The following ANKHD1 variants were observed in gnomAD, a reference collection of about 807,000 sequenced individuals.
ANKHD1 encodes the protein ankyrin repeat and KH domain containing 1.
In ANKHD1, 31 loss-of-function variants were observed where a neutral mutation model predicts 230.5. The ratio of observed to expected loss-of-function variants is 0.13; its 90% CI spans 0.10 to 0.18. ANKHD1 has a LOEUF of 0.18. Among genes scored for constraint, ANKHD1 ranks in the 10% least tolerant of loss-of-function variants. ANKHD1 has a pLI of 1.00. For synonymous variants in ANKHD1, 1,074 were observed against 1,117.6 expected, an observed-to-expected ratio of 0.96 and a Z score of 0.78; for missense variants, 2,256 against 3,071.3, an observed-to-expected ratio of 0.73 and a Z score of 6.27.
At chr5:140,496,464 T>TC in intron 14 of ANKHD1, 56 bp from the exon 15 acceptor site, 6 of 852,194 alleles carry the variant, frequency 7.0e-6, no homozygotes, top group Admixed American at 5.2e-5. Flanking sequence ...TTCTTTTCTT[T>TC]TTTTTTTTTT....
chr5:140,430,724 T>C (rs543481261), intron 1 of ANKHD1, among the ~76,000 whole-genome samples: 1 of 150,342 alleles, frequency 6.7e-6, no homozygotes, highest in East Asian at 2.0e-4. Context: ...AATGGCATGA[T>C]CATGGCATAT....
At chr5:140,430,119 T>C (rs975305985) in intron 1 of ANKHD1, among the ~76,000 whole-genome samples, 2 of 152,210 alleles carry the variant, frequency 1.3e-5, no homozygotes, top group African/African-American at 4.8e-5. Flanking sequence ...CCTTGTTTTT[T>C]GTTTTTTGTT....
chr5:140,413,531 C>T (rs911698672), intron 1 of ANKHD1, among the ~76,000 whole-genome samples: 27 of 152,122 alleles, frequency 1.8e-4, no homozygotes, highest in Non-Finnish European at 1.3e-4. Flanking sequence ...CTAGCAACTA[C>T]CATTCTACGT....
intron 8 of ANKHD1, 135 bp downstream of exon 8, chr5:140,458,997 CATATATATATATATATATATATAT>C (rs529452262): frequency 2.2e-4 from 7 of 31,778 alleles, no homozygotes; most frequent in Admixed American, 5.3e-4. Context: ...TATATATATG[CATATATATATATATATATATATAT>C]ATATATATTG....
intron 7 of ANKHD1, among the ~76,000 whole-genome samples, chr5:140,452,949 CAAAG>C (rs1356054614): frequency 3.9e-5 from 6 of 152,102 alleles, no homozygotes; most frequent in South Asian, 2.1e-4. Flanking sequence ...GAACCCAACA[CAAAG>C]AAGCTAAAAA....
chr5:140,427,376 C>A (rs1415400883), intron 1 of ANKHD1, among the ~76,000 whole-genome samples: 1 of 65,352 alleles, frequency 1.5e-5, no homozygotes, highest in Non-Finnish European at 3.0e-5. Flanking sequence ...GGGGGGCTGA[C>A]CCCCCCCCAC....
chr5:140,405,137 T>A (rs1235961299), intron 1 of ANKHD1, among the ~76,000 whole-genome samples: 8 of 152,170 alleles, frequency 5.3e-5, no homozygotes. Flanking sequence ...ACCCACTTAG[T>A]GGTGCCTAAT....
chr5:140,426,373 C>T (rs2126884454), intron 1 of ANKHD1, among the ~76,000 whole-genome samples: 1 of 152,294 alleles, frequency 6.6e-6, no homozygotes, highest in African/African-American at 2.4e-5. Flanking sequence ...AGGTGATCTG[C>T]CTGCCTCAGC....
At chr5:140,410,400 T>C (rs2126845889) in intron 1 of ANKHD1, among the ~76,000 whole-genome samples, 2 of 152,320 alleles carry the variant, frequency 1.3e-5, no homozygotes, top group Admixed American at 1.3e-4. Flanking sequence ...GCTGATTGAC[T>C]AGATGAATTC....
At chr5:140,484,918 T>C (rs1269194594) in intron 11 of ANKHD1, 2 of 761,378 alleles carry the variant, frequency 2.6e-6, no homozygotes, top group Non-Finnish European at 3.6e-6. Context: ...TTTTGGTATG[T>C]GGATAATGTT....
chr5:140,425,440 G>T (rs1355378828), intron 1 of ANKHD1, among the ~76,000 whole-genome samples: 1 of 151,912 alleles, frequency 6.6e-6, no homozygotes, highest in Non-Finnish European at 1.5e-5. Context: ...TTTGTTTTTT[G>T]TAGAGACAGG....
At chr5:140,529,817 G>A (rs1561836644) in intron 29 of ANKHD1, 21 bp downstream of exon 29, 10 of 1,608,542 alleles carry the variant, frequency 6.2e-6, no homozygotes, top group South Asian at 2.2e-5. Flanking sequence ...AACTATTGCT[G>A]CAGTTGAGTT....
At chr5:140,531,973 C>G (rs749606358) in intron 29 of ANKHD1, among the ~76,000 whole-genome samples, 2 of 151,944 alleles carry the variant, frequency 1.3e-5, no homozygotes, top group Non-Finnish European at 2.9e-5. Flanking sequence ...CTTTGGGAGG[C>G]CGAGGTGGTT....
Position 140,470,815 on chromosome 5 carries a change from C to T in ANKHD1, c.1782+6039C>T, listed in dbSNP as rs780928932. ...TTTTTATTTTTATTTTTTGTAGAGA[C>T]GGGGTTTCATCATGTTGCCCAGGCT... On this transcript the variant is annotated intron_variant, in intron 10 of 33. Transcript: ENST00000360839. 1.7e-4 allele frequency among the ~76,000 whole-genome samples: 26 copies of T among 151,678 alleles called. 1 individual carries two copies. Among genetic ancestry groups the T allele is most frequent in the Admixed American group, 1.4e-3 (22 of 15,192 alleles).
chr5:140,520,706 A>G (rs1419055290), intron 24 of ANKHD1, among the ~76,000 whole-genome samples: 12 of 147,508 alleles, frequency 8.1e-5, no homozygotes, highest in African/African-American at 3.0e-4. Context: ...GCATATTCTC[A>G]CTCATAGGTG....
chr5:140,455,328 A>G (rs566214283), intron 7 of ANKHD1, among the ~76,000 whole-genome samples: 28 of 152,340 alleles, frequency 1.8e-4, no homozygotes, highest in Admixed American at 1.7e-3. Flanking sequence ...TATTCCAATC[A>G]ATAGAAAAAG....
intron 1 of ANKHD1, among the ~76,000 whole-genome samples, chr5:140,415,075 T>A (rs1393183878): frequency 6.6e-6 from 1 of 152,050 alleles, no homozygotes; most frequent in Non-Finnish European, 1.5e-5. Flanking sequence ...GTCATGAAAT[T>A]ATTGCCATCT....
chr5:140,534,719 G>T (rs1753996416), intron 29 of ANKHD1, among the ~76,000 whole-genome samples: 1 of 152,078 alleles, frequency 6.6e-6, no homozygotes, highest in South Asian at 2.1e-4. Flanking sequence ...TCCTTTTCCA[G>T]ACCTTCATCC....
At position 140,505,345 on chromosome 5, in the gene ANKHD1, T is replaced by C. The variant is rs1323857061; in HGVS notation, c.3262+112T>C. On this transcript the variant is annotated intron_variant, in intron 17 of 33. Coordinates refer to ENST00000360839, the MANE Select transcript of ANKHD1 (RefSeq NM_017747.3). ...ATCTCAGTGATAAGATGGATAAGTATATTTCAGTTAGGAATATCTGGATTC... is the reference window on the plus strand; with the variant it reads ...ATCTCAGTGATAAGATGGATAAGTACATTTCAGTTAGGAATATCTGGATTC... 5 of 1,219,386 alleles carry C rather than the reference T, an allele frequency of 4.1e-6. No homozygotes were observed. In the African/African-American group the frequency reaches 6.1e-5, roughly 15 times the overall value. 75.5% of individuals were successfully genotyped at this position (1,219,386 alleles called of 1,614,324 possible).
Sources: allele counts gnomAD v4.1 joint callset (sites outside exome capture counted in the v4.1 genomes callset), GRCh38; gene constraint gnomAD v4.1.1; transcripts MANE v1.5; gene names NCBI Gene and HGNC (gene_info 2026-07-23, HGNC 2026-07-21).